MTAP: variants seen among roughly 807,000 people sequenced by gnomAD.
The protein encoded by MTAP is methylthioadenosine phosphorylase.
Under a neutral mutation model 33.6 loss-of-function variants are expected in MTAP, and 33 were observed. The ratio of observed to expected loss-of-function variants is 0.98; its 90% CI spans 0.74 to 1.31. The LOEUF (loss-of-function observed/expected upper bound fraction) is 1.31. Among genes scored for constraint, MTAP ranks in the 40% most tolerant of loss-of-function variants. MTAP has a pLI of 0.00. For missense variants in MTAP, 367 were observed against 360.0 expected (o/e 1.02, Z -0.16); for synonymous variants, 148 against 125.7 (o/e 1.18, Z -1.19).
intron 5 of MTAP, among the ~76,000 whole-genome samples, chr9:21,844,810 G>A (rs187540064): frequency 5.9e-5 from 9 of 152,204 alleles, no homozygotes; most frequent in African/African-American, 1.2e-4. Context: ...CAAGGCGGGC[G>A]GATCACAAGG....
At chr9:21,840,191 A>G (rs958933672) in intron 5 of MTAP, among the ~76,000 whole-genome samples, 1 of 151,546 alleles carries the variant, frequency 6.6e-6, no homozygotes, top group Non-Finnish European at 1.5e-5. Context: ...GTGCCACTGC[A>G]CTCCAGCCTG....
chr9:21,866,187 C>A lies in MTAP; in HGVS notation c.*4173C>A, dbSNP rs1012753493. On this transcript the variant is annotated 3_prime_UTR_variant, in exon 8 of 8. Coordinates refer to ENST00000644715, the MANE Select transcript of MTAP (RefSeq NM_002451.4). Reference sequence around the variant, plus strand: ...GTGCTTATTGGCCATTCACATATTTCGTGAACTATCTGTACAAATATTTTT... The same window carrying A: ...GTGCTTATTGGCCATTCACATATTTAGTGAACTATCTGTACAAATATTTTT... The A allele has an allele frequency of 6.6e-6, 1 of 152,006 alleles. No individual in the cohort carries two copies. Among genetic ancestry groups the A allele is most frequent in the African/African-American group, 2.4e-5 (1 of 41,398 alleles). 9.4% of individuals were successfully genotyped at this position (152,006 alleles called of 1,614,324 possible).
chr9:21,821,235 C>G (rs1264684821), intron 4 of MTAP, among the ~76,000 whole-genome samples: 1 of 152,144 alleles, frequency 6.6e-6, no homozygotes, highest in Admixed American at 6.5e-5. Context: ...AGTTTTTGCC[C>G]ATTCAGTATG....
At chr9:21,871,469 A>G (rs1232347423), downstream of MTAP, among the ~76,000 whole-genome samples, 2 of 152,232 alleles carry the variant, frequency 1.3e-5, no homozygotes, top group African/African-American at 4.8e-5. Context: ...ATTCTGTTAC[A>G]TTACTAGTCA....
At chr9:21,851,158 C>T (rs10965161) in intron 5 of MTAP, among the ~76,000 whole-genome samples, 38,564 of 152,050 alleles carry the variant, frequency 0.25, 5,278 homozygotes, top group East Asian at 0.41. Flanking sequence ...ATGACCCAGA[C>T]TCTTCAGGAA....
chr9:21,850,099 A>G (rs900554248), intron 5 of MTAP, among the ~76,000 whole-genome samples: 6 of 152,232 alleles, frequency 3.9e-5, no homozygotes, highest in Non-Finnish European at 8.8e-5. Context: ...GGTCCATTAC[A>G]TTGATGACAG....
chr9:21,926,183 T>A (rs1818866641), intron 1 of MTAP, among the ~76,000 whole-genome samples: 1 of 152,186 alleles, frequency 6.6e-6, no homozygotes, highest in Non-Finnish European at 1.5e-5. Flanking sequence ...ATGCCTATAG[T>A]AACTCAGCTC....
downstream of MTAP, chr9:21,941,059 C>T (rs1212478729): frequency 3.3e-6 from 3 of 895,764 alleles, no homozygotes; most frequent in Non-Finnish European, 2.7e-6. Context: ...GATTTTCAAA[C>T]TCTGCATGTA....
chr9:21,925,139 G>C (rs1818848930), intron 1 of MTAP, among the ~76,000 whole-genome samples: 1 of 152,204 alleles, frequency 6.6e-6, no homozygotes, highest in African/African-American at 2.4e-5. Context: ...ATGTTCTTAT[G>C]TCTCGTAGAA....
chr9:21,897,677 A>T (rs996233474), intron 1 of MTAP, among the ~76,000 whole-genome samples: 1 of 152,202 alleles, frequency 6.6e-6, no homozygotes, highest in Admixed American at 6.5e-5. Context: ...CTTACAAGGG[A>T]TGTGAAGGAC....
intron 4 of MTAP, among the ~76,000 whole-genome samples, chr9:21,821,948 T>C (rs1256827914): frequency 6.6e-6 from 1 of 152,236 alleles, no homozygotes; most frequent in Non-Finnish European, 1.5e-5. Context: ...TGATGGTAGT[T>C]TGTATTTCTG....
chr9:21,803,075 G>C (rs1488197727), intron 1 of MTAP: 6 of 749,250 alleles, frequency 8.0e-6, no homozygotes, highest in Non-Finnish European at 9.6e-6. Context: ...CCTGTAGGGC[G>C]TAGGCACCCC....
At chr9:21,920,719 C>T (rs1818774997) in intron 1 of MTAP, among the ~76,000 whole-genome samples, 1 of 152,132 alleles carries the variant, frequency 6.6e-6, no homozygotes, top group Admixed American at 6.5e-5. Flanking sequence ...GCCTTGGAAG[C>T]CAGAAATTGT....
chr9:21,818,317 CTT>C (rs35709813), intron 4 of MTAP, 115 bp downstream of exon 4: 24,820 of 234,420 alleles, frequency 0.11, 2,077 homozygotes, highest in African/African-American at 0.15. Flanking sequence ...GACTCGCTTG[CTT>C]TTTTTTTTTT....
chr9:21,862,095 T>C lies in MTAP; in HGVS notation c.*81T>C, dbSNP rs369244310. 4 of 1,608,136 alleles carry C rather than the reference T, an allele frequency of 2.5e-6. No individual in the cohort carries two copies. The highest frequency in any genetic ancestry group is 1.3e-5 in the African/African-American group (1 of 74,542). On this transcript the variant is annotated 3_prime_UTR_variant, in exon 8 of 8. Coordinates refer to ENST00000644715, the MANE Select transcript of MTAP (RefSeq NM_002451.4). Reference sequence around the variant, plus strand: ...ATTCCTGCTTAACTTGAAAAAAATATGGGAAAGACATGCAGCTTTCATGCC... The same window carrying C: ...ATTCCTGCTTAACTTGAAAAAAATACGGGAAAGACATGCAGCTTTCATGCC...
At chr9:21,823,170 T>C (rs554715120) in intron 4 of MTAP, among the ~76,000 whole-genome samples, 7 of 152,226 alleles carry the variant, frequency 4.6e-5, no homozygotes, top group Non-Finnish European at 1.0e-4. Flanking sequence ...ATCCTGTCAC[T>C]ATGATGTTAG....
At chr9:21,926,533 C>T (rs1309809514) in intron 1 of MTAP, among the ~76,000 whole-genome samples, 1 of 152,154 alleles carries the variant, frequency 6.6e-6, no homozygotes, top group East Asian at 1.9e-4. Context: ...ACTCATCCTC[C>T]CAATTTGTAT....
At chr9:21,815,799 A>G (rs1482706150) in intron 2 of MTAP, among the ~76,000 whole-genome samples, 1 of 152,306 alleles carries the variant, frequency 6.6e-6, no homozygotes, top group Non-Finnish European at 1.5e-5. Context: ...TTCAGACCAC[A>G]GACTCATTTC....
intron 1 of MTAP, chr9:21,803,151 C>A: frequency 4.8e-6 from 2 of 420,682 alleles, no homozygotes; most frequent in Non-Finnish European, 8.1e-6. Flanking sequence ...GAGAACCACT[C>A]TTCTTCCAAG....
Sources: gnomAD v4.1 joint callset for allele counts (sites outside exome capture counted in the v4.1 genomes callset) on GRCh38, gnomAD v4.1.1 for gene constraint, MANE v1.5 for transcripts, NCBI Gene and HGNC (gene_info 2026-07-23, HGNC 2026-07-21) for gene names.